PLD1: variants seen among roughly 807,000 people sequenced by gnomAD.
PLD1 encodes the protein choline phosphatase 1.
A neutral mutation model predicts 137.1 loss-of-function variants in PLD1; 112 were observed. The ratio of observed to expected loss-of-function variants is 0.82; its 90% CI spans 0.70 to 0.96. The LOEUF (loss-of-function observed/expected upper bound fraction) is 0.96, where lower values mean the gene tolerates loss of function less well. Ranked by LOEUF, PLD1 falls within the 40% of genes least tolerant of loss-of-function variation. The pLI is 0.00. For missense variants in PLD1, 1,321 were observed against 1,342.0 expected (o/e 0.98, Z 0.24); for synonymous variants, 431 against 454.7 (o/e 0.95, Z 0.66).
chr3:171,796,278 T>C (rs141884998), intron 1 of PLD1, among the ~76,000 whole-genome samples: 3 of 152,198 alleles, frequency 2.0e-5, no homozygotes, highest in Admixed American at 6.5e-5. Flanking sequence ...ATGTAAGAAA[T>C]AGCCAAAGAG....
chr3:171,793,722 C>G (rs1723311550), intron 1 of PLD1: 1 of 152,296 alleles, frequency 6.6e-6, no homozygotes, highest in East Asian at 1.9e-4. Flanking sequence ...AAGATTTCAT[C>G]ACACTACTCA....
intron 19 of PLD1, among the ~76,000 whole-genome samples, chr3:171,663,513 A>T (rs1711743838): frequency 6.6e-6 from 1 of 152,216 alleles, no homozygotes; most frequent in Admixed American, 6.5e-5. Flanking sequence ...TTAAGTGGTT[A>T]TAAGTGTTAT....
At position 171,764,924 on chromosome 3, in the gene PLD1, GGAAAGAAAGGAAA is replaced by G. The variant is rs1347091784; in HGVS notation, c.-31-26855_-31-26843del. ...GGAAGGAAGGAAGGAAAGAAAGAAA[GGAAAGAAAGGAAA>G]GAAAGAAAGAAAGAAAGAAAGAAAG... is the stretch of plus-strand genomic sequence containing the variant. On this transcript the variant is annotated intron_variant, in intron 1 of 26. Transcript: ENST00000351298. Among the ~76,000 whole-genome samples the G allele has an allele frequency of 9.0e-3, 184 of 20,418 alleles. 5 individuals carry two copies. The highest frequency in any genetic ancestry group is 0.017 in the African/African-American group (109 of 6,262). The allele number at this position is 20,418 out of a possible 152,430, so 13.4% of individuals were successfully genotyped here.
chr3:171,712,137 C>G (rs532455775), intron 9 of PLD1, among the ~76,000 whole-genome samples: 1 of 152,186 alleles, frequency 6.6e-6, no homozygotes, highest in East Asian at 1.9e-4. Context: ...CCATGTCCAA[C>G]CTGCTTTCCT....
intron 21 of PLD1, among the ~76,000 whole-genome samples, chr3:171,646,985 C>A (rs1736280803): frequency 6.6e-6 from 1 of 152,226 alleles, no homozygotes; most frequent in African/African-American, 2.4e-5. Flanking sequence ...CTCTGCCAAG[C>A]CACTTGGCTC....
chr3:171,601,842 T>C lies in PLD1; in HGVS notation c.*1236A>G, dbSNP rs1299298681. The C allele has an allele frequency of 6.6e-6, 1 of 152,184 alleles. No homozygotes were observed. Among genetic ancestry groups the C allele is most frequent in the Non-Finnish European group, 1.5e-5 (1 of 68,032 alleles). The allele number at this position is 152,184 out of a possible 1,614,324, so 9.4% of individuals were successfully genotyped here. On this transcript the variant is annotated 3_prime_UTR_variant, in exon 27 of 27. Coordinates refer to ENST00000351298, the MANE Select transcript of PLD1 (RefSeq NM_002662.5). ...GTTCAGCTTAGTAAAATTTAGTTTATCAAAGGGTACTCTAACATCCGAAAA... is the reference window on the plus strand; with the variant it reads ...GTTCAGCTTAGTAAAATTTAGTTTACCAAAGGGTACTCTAACATCCGAAAA...
intron 11 of PLD1, 102 bp from the exon 12 acceptor site, chr3:171,699,928 A>G (rs1336457732): frequency 1.2e-6 from 1 of 834,534 alleles, no homozygotes; most frequent in Non-Finnish European, 2.0e-6. Flanking sequence ...CAACCCCATT[A>G]TCATCCTCCA....
intron 25 of PLD1, among the ~76,000 whole-genome samples, chr3:171,609,516 A>G (rs1179916680): frequency 7.6e-6 from 1 of 131,224 alleles, no homozygotes; most frequent in Non-Finnish European, 1.6e-5. Context: ...AAACACACAC[A>G]CACACACACA....
At chr3:171,663,948 T>C (rs1179251067) in intron 19 of PLD1, among the ~76,000 whole-genome samples, 1 of 152,170 alleles carries the variant, frequency 6.6e-6, no homozygotes, top group African/African-American at 2.4e-5. Flanking sequence ...TCAATAACTT[T>C]AAAATTGCAA....
At chr3:171,802,951 T>G (rs1330554369) in intron 1 of PLD1, among the ~76,000 whole-genome samples, 1 of 152,198 alleles carries the variant, frequency 6.6e-6, no homozygotes, top group African/African-American at 2.4e-5. Flanking sequence ...AGAAGGCACA[T>G]GGGGTGATCA....
intron 1 of PLD1, among the ~76,000 whole-genome samples, chr3:171,746,003 C>CGA (rs1229032402): frequency 2.9e-5 from 4 of 137,954 alleles, no homozygotes; most frequent in Non-Finnish European, 4.6e-5. Flanking sequence ...CCACCGGCCC[C>CGA]GGGCAGTGAG....
chr3:171,639,791 T>C (rs925319576), intron 23 of PLD1, among the ~76,000 whole-genome samples: 1 of 141,266 alleles, frequency 7.1e-6, no homozygotes, highest in Non-Finnish European at 1.5e-5. Context: ...CAGGTAATTA[T>C]GGAGGCTGAG....
At chr3:171,604,639 AT>A (rs746777175) in intron 26 of PLD1, among the ~76,000 whole-genome samples, 1 of 152,200 alleles carries the variant, frequency 6.6e-6, no homozygotes, top group Non-Finnish European at 1.5e-5. Context: ...TACATTCTTT[AT>A]TATAACCAAA....
intron 1 of PLD1, among the ~76,000 whole-genome samples, chr3:171,787,874 TG>T (rs1432021931): frequency 1.3e-5 from 2 of 151,808 alleles, no homozygotes; most frequent in African/African-American, 4.8e-5. Flanking sequence ...AAAAATATTT[TG>T]TAAGAAAAAA....
rs1719310218 is a variant in PLD1, at chr3:171,735,720, A to G, written c.289-83T>C. On this transcript the variant is annotated intron_variant, in intron 3 of 26. Transcript: ENST00000351298. Reference sequence around the variant, plus strand: ...TTTCAGTGAACAATATTTAACTAGTAACAGAGAAGTATACTTAAGTCCAGC... The same window carrying G: ...TTTCAGTGAACAATATTTAACTAGTGACAGAGAAGTATACTTAAGTCCAGC... The G allele has an allele frequency of 2.1e-5, 16 of 748,206 alleles. 1 individual carries two copies. The South Asian group carries it at 2.7e-4, about 12-fold the overall frequency. 46.3% of individuals were successfully genotyped at this position (748,206 alleles called of 1,614,324 possible). A position where few individuals can be genotyped will look rare whatever the true frequency, so the allele number is the denominator to read the frequency against.
At chr3:171,634,756 T>A (rs1313573500) in intron 23 of PLD1, among the ~76,000 whole-genome samples, 1 of 152,326 alleles carries the variant, frequency 6.6e-6, no homozygotes, top group East Asian at 1.9e-4. Flanking sequence ...CCAAATCATT[T>A]AAAAATTCTT....
intron 8 of PLD1, among the ~76,000 whole-genome samples, chr3:171,720,757 T>C (rs1251834726): frequency 6.6e-6 from 1 of 152,212 alleles, no homozygotes. Context: ...GATGACACAT[T>C]TCATTCCAGG....
Position 171,717,652 on chromosome 3 carries a change from T to C in PLD1, c.759-3607A>G, listed in dbSNP as rs1425501258. ...CAAAGACTGTGGAGTTTTCTAGATA[T>C]AGAATCATGTCATCTGCAAATAGGA... is the stretch of plus-strand genomic sequence containing the variant. On this transcript the variant is annotated intron_variant, in intron 8 of 26. Transcript: ENST00000351298. 2.6e-5 allele frequency among the ~76,000 whole-genome samples: 4 copies of C among 152,080 alleles called. No individual in the cohort carries two copies. The East Asian group carries it at 7.7e-4, about 29-fold the overall frequency.
At chr3:171,618,401 AAAAAAT>A (rs1406780346) in intron 24 of PLD1, among the ~76,000 whole-genome samples, 1 of 152,262 alleles carries the variant, frequency 6.6e-6, no homozygotes, top group Non-Finnish European at 1.5e-5. Context: ...TGACCTTTCA[AAAAAAT>A]ATTTACATCT....
Sources: allele counts gnomAD v4.1 joint callset (sites outside exome capture counted in the v4.1 genomes callset), GRCh38; gene constraint gnomAD v4.1.1; transcripts MANE v1.5; gene names NCBI Gene and HGNC (gene_info 2026-07-23, HGNC 2026-07-21).